The following DBT variants were observed in gnomAD, a reference collection of about 807,000 sequenced individuals.
The protein encoded by DBT is lipoamide acyltransferase component of branched-chain alpha-keto acid dehydrogenase complex, mitochondrial.
A neutral mutation model predicts 51.3 loss-of-function variants in DBT; 40 were observed. That is an observed-to-expected ratio of 0.78 (90% CI 0.61 to 1.02). The LOEUF (loss-of-function observed/expected upper bound fraction) is 1.02, where lower values mean the gene tolerates loss of function less well. DBT is among the 50% of genes least tolerant of loss of function. DBT has a pLI of 0.00. For missense variants in DBT, 510 were observed against 580.2 expected (o/e 0.88, Z 1.24); for synonymous variants, 181 against 190.4 (o/e 0.95, Z 0.41).
chr1:100,247,091 A>T (rs1664584607), intron 1 of DBT, among the ~76,000 whole-genome samples: 1 of 152,136 alleles, frequency 6.6e-6, no homozygotes, highest in South Asian at 2.1e-4. Context: ...GAAGTGTCAG[A>T]GTTGGGGTTG....
At chr1:100,242,241 A>C (rs1160274411) in intron 1 of DBT, among the ~76,000 whole-genome samples, 3 of 152,194 alleles carry the variant, frequency 2.0e-5, no homozygotes, top group Admixed American at 6.5e-5. Flanking sequence ...AGTGGTGATT[A>C]GCTCTTAACT....
chr1:100,206,204 A>G, intron 10 of DBT, 26 bp downstream of exon 10: 1 of 1,559,666 alleles, frequency 6.4e-7, no homozygotes, highest in African/African-American at 1.4e-5. Flanking sequence ...CTTAAACTCC[A>G]TTTTTCAGTT....
intron 3 of DBT, among the ~76,000 whole-genome samples, chr1:100,234,109 C>G (rs1557958048): frequency 6.6e-6 from 1 of 152,078 alleles, no homozygotes; most frequent in African/African-American, 2.4e-5. Context: ...TGAAGAGGAA[C>G]CTCTACTTTA....
At chr1:100,206,681 T>A in intron 8 of DBT, 45 bp from the exon 9 acceptor site, 1 of 1,124,650 alleles carries the variant, frequency 8.9e-7, no homozygotes, top group Non-Finnish European at 1.4e-6. Flanking sequence ...ATGAATAAGC[T>A]AACAGCAAAG....
chr1:100,248,083 CAGAG>C (rs907259558), intron 1 of DBT, among the ~76,000 whole-genome samples: 15 of 139,242 alleles, frequency 1.1e-4, no homozygotes, highest in African/African-American at 4.1e-4. Context: ...GCCTGGGTGA[CAGAG>C]AGAGACTCCA....
At chr1:100,213,194 G>A in intron 7 of DBT, 1 of 523,568 alleles carries the variant, frequency 1.9e-6, no homozygotes, top group Non-Finnish European at 3.0e-6. Context: ...AGAATTAAGA[G>A]ATAATGGGCC....
At chr1:100,231,917 A>G (rs567251008) in intron 3 of DBT, among the ~76,000 whole-genome samples, 1 of 152,338 alleles carries the variant, frequency 6.6e-6, no homozygotes, top group East Asian at 1.9e-4. Context: ...GCAGCCTTGC[A>G]GCCACTGTAA....
At position 100,206,310 on chromosome 1, in the gene DBT, TAAAAAAAAAAAAAGGAGAG is replaced by T; in HGVS notation, c.1210-28_1210-10del. ...GCAAAGGTACCACCAATCTATTTTT[TAAAAAAAAAAAAAGGAGAG>T]TATTAAAAGTTAAGATTTTTCAGGG... On this transcript the variant is annotated splice_polypyrimidine_tract_variant and intron_variant, in intron 9 of 10. Transcript: ENST00000370132. 2.1e-5 allele frequency: 30 copies of T among 1,432,214 alleles called. No individual in the cohort carries two copies. Among genetic ancestry groups the T allele is most frequent in the Non-Finnish European group, 2.9e-5 (30 of 1,041,522 alleles). The allele number at this position is 1,432,214 out of a possible 1,614,324, so 88.7% of individuals were successfully genotyped here.
chr1:100,199,296 T>A (rs1417932396), intron 10 of DBT, among the ~76,000 whole-genome samples: 1 of 152,184 alleles, frequency 6.6e-6, no homozygotes, highest in Admixed American at 6.5e-5. Context: ...AAATCTGCGC[T>A]TTTAACTAAC....
chr1:100,216,387 T>A (rs938125766), intron 5 of DBT, among the ~76,000 whole-genome samples, 188 bp from the exon 6 acceptor site: 2 of 152,234 alleles, frequency 1.3e-5, no homozygotes, highest in African/African-American at 4.8e-5. Flanking sequence ...ATGCATGTGG[T>A]AACCATCAGG....
At chr1:100,205,632 T>G (rs1265353596) in intron 10 of DBT, among the ~76,000 whole-genome samples, 1 of 152,206 alleles carries the variant, frequency 6.6e-6, no homozygotes, top group Non-Finnish European at 1.5e-5. Context: ...ATCATGCTAC[T>G]ATAAAGACAC....
intron 5 of DBT, 24 bp from the exon 6 acceptor site, chr1:100,216,223 C>T: frequency 6.7e-7 from 1 of 1,497,244 alleles, no homozygotes; most frequent in Non-Finnish European, 9.3e-7. Context: ...TATTTTAATG[C>T]CAAAAATACA....
chr1:100,249,389 G>A (rs1664775475), intron 1 of DBT: 1 of 361,626 alleles, frequency 2.8e-6, no homozygotes, highest in Non-Finnish European at 5.4e-6. Context: ...CTTGAGGGTA[G>A]GGGTCGTGTT....
intron 4 of DBT, among the ~76,000 whole-genome samples, chr1:100,219,741 C>A (rs1662731691): frequency 6.6e-6 from 1 of 151,738 alleles, no homozygotes; most frequent in African/African-American, 2.4e-5. Context: ...AAAGTGAGAC[C>A]CAGTCTCAAA....
intron 3 of DBT, among the ~76,000 whole-genome samples, chr1:100,232,364 T>C (rs1485521343): frequency 6.6e-6 from 1 of 152,070 alleles, no homozygotes; most frequent in Non-Finnish European, 1.5e-5. Context: ...AGTCTGGAAC[T>C]CCTGGCCTCA....
intron 1 of DBT, 64 bp from the exon 2 acceptor site, chr1:100,240,948 A>G (rs1664178273): frequency 1.1e-5 from 16 of 1,460,990 alleles, no homozygotes; most frequent in Non-Finnish European, 1.5e-5. Flanking sequence ...ATCTCTAAGT[A>G]TAAATTGAAT....
In DBT at chr1:100,234,338, T is replaced by A. The variant is rs554567294; in HGVS notation, c.251+1098A>T. ...AGGTAGAAATTAACAAATGGTTTTTTAAAACAATCAAAAAAAGCTGGGTGC... is the reference window on the plus strand; with the variant it reads ...AGGTAGAAATTAACAAATGGTTTTTAAAAACAATCAAAAAAAGCTGGGTGC... On this transcript the variant is annotated intron_variant, in intron 3 of 10. Coordinates refer to ENST00000370132, the MANE Select transcript of DBT (RefSeq NM_001918.5). Among the ~76,000 whole-genome samples the A allele has an allele frequency of 1.1e-4, 17 of 152,104 alleles. No homozygotes were observed. The East Asian group carries it at 3.1e-3, about 28-fold the overall frequency.
intron 10 of DBT, among the ~76,000 whole-genome samples, chr1:100,201,666 T>C (rs1661440526): frequency 6.6e-6 from 1 of 152,060 alleles, no homozygotes; most frequent in African/African-American, 2.4e-5. Flanking sequence ...AAAGGTCGGG[T>C]TACCCACAAA....
intron 4 of DBT, among the ~76,000 whole-genome samples, chr1:100,225,043 AT>A (rs1270732855): frequency 0.055 from 2,336 of 42,852 alleles, 302 homozygotes; most frequent in Non-Finnish European, 0.064. Context: ...AAAAAAAAAA[AT>A]ATATATATAC....
Sources: gnomAD v4.1 joint callset for allele counts (sites outside exome capture counted in the v4.1 genomes callset) on GRCh38, gnomAD v4.1.1 for gene constraint, MANE v1.5 for transcripts, NCBI Gene and HGNC (gene_info 2026-07-23, HGNC 2026-07-21) for gene names.